MCPH1: variants seen among roughly 807,000 people sequenced by gnomAD.
MCPH1 encodes microcephalin 1.
In MCPH1, 104 loss-of-function variants were observed where a neutral mutation model predicts 84.5. The ratio of observed to expected loss-of-function variants is 1.23; its 90% confidence interval spans 1.05 to 1.45. The LOEUF (loss-of-function observed/expected upper bound fraction) is 1.45, where lower values mean the gene tolerates loss of function less well. Among genes scored for constraint, MCPH1 ranks in the 40% most tolerant of loss-of-function variants. MCPH1 has a pLI of 0.00. For synonymous variants in MCPH1, 514 were observed against 366.8 expected, an observed-to-expected ratio of 1.40 and a Z score of -4.58; for missense variants, 1,498 against 1,005.7, an observed-to-expected ratio of 1.49 and a Z score of -6.62.
chr8:6,483,730 C>T (rs554376457), intron 11 of MCPH1, among the ~76,000 whole-genome samples: 2 of 152,084 alleles, frequency 1.3e-5, no homozygotes, highest in East Asian at 3.9e-4. Flanking sequence ...CATGGTGGCA[C>T]CTGCCTGTAA....
At chr8:6,494,747 G>A (rs530850334) in intron 11 of MCPH1, among the ~76,000 whole-genome samples, 8 of 152,322 alleles carry the variant, frequency 5.3e-5, no homozygotes, top group African/African-American at 1.7e-4. Flanking sequence ...GGAGGGGAGA[G>A]AGGGATGGGG....
intron 11 of MCPH1, among the ~76,000 whole-genome samples, chr8:6,495,867 T>G (rs1436792585): frequency 3.3e-5 from 5 of 152,228 alleles, no homozygotes; most frequent in Admixed American, 1.3e-4. Flanking sequence ...TTCCTATGGC[T>G]TACGACTGTG....
chr8:6,505,137 G>A (rs1453539914), intron 12 of MCPH1, among the ~76,000 whole-genome samples: 3 of 75,042 alleles, frequency 4.0e-5, no homozygotes, highest in African/African-American at 8.7e-5. Context: ...AGCCTTACCC[G>A]TAATGCATTA....
chr8:6,489,350 C>T (rs1022784523), intron 11 of MCPH1, among the ~76,000 whole-genome samples: 3 of 151,796 alleles, frequency 2.0e-5, no homozygotes, highest in African/African-American at 7.3e-5. Flanking sequence ...GGCTAGCTAG[C>T]AACCTGGGGG....
chr8:6,445,817 C>G, intron 8 of MCPH1: 1 of 1,201,144 alleles, frequency 8.3e-7, no homozygotes, highest in Non-Finnish European at 1.0e-6. Context: ...GATAAGTAGT[C>G]CATAGTATGA....
At chr8:6,562,114 C>G (rs532926296) in intron 12 of MCPH1, among the ~76,000 whole-genome samples, 14 of 152,316 alleles carry the variant, frequency 9.2e-5, no homozygotes, top group African/African-American at 3.4e-4. Context: ...ATTTAATTTC[C>G]TCTCGTTTAC....
chr8:6,553,794 G>A (rs1012010469), intron 12 of MCPH1, among the ~76,000 whole-genome samples: 6 of 152,140 alleles, frequency 3.9e-5, no homozygotes, highest in South Asian at 4.2e-4. Flanking sequence ...GCAGAAAAGC[G>A]AATGTCAGAC....
At chr8:6,474,747 C>T (rs140501638) in intron 9 of MCPH1, among the ~76,000 whole-genome samples, 2 of 152,066 alleles carry the variant, frequency 1.3e-5, no homozygotes, top group African/African-American at 4.8e-5. Context: ...GCCTATAATC[C>T]TAGAAATTTT....
At chr8:6,491,116 A>G (rs1400591716) in intron 11 of MCPH1, among the ~76,000 whole-genome samples, 1 of 151,294 alleles carries the variant, frequency 6.6e-6, no homozygotes, top group Non-Finnish European at 1.5e-5. Flanking sequence ...TCAAAGTAGT[A>G]TGGCAAAAAG....
chr8:6,435,393 G>T (rs1343157398), intron 4 of MCPH1, among the ~76,000 whole-genome samples: 2 of 152,084 alleles, frequency 1.3e-5, no homozygotes, highest in African/African-American at 4.8e-5. Context: ...TCTCAAATCC[G>T]CCTCCCTGAG....
intron 13 of MCPH1, among the ~76,000 whole-genome samples, chr8:6,638,958 C>T (rs1259671089): frequency 6.6e-6 from 1 of 152,236 alleles, no homozygotes; most frequent in Non-Finnish European, 1.5e-5. Flanking sequence ...ATGCGCACCT[C>T]AACGCCACTG....
chr8:6,585,823 A>G lies in MCPH1; in HGVS notation c.2215-35631A>G, dbSNP rs79373344. 2.1e-4 allele frequency among the ~76,000 whole-genome samples: 32 copies of G among 152,296 alleles called. No individual in the cohort carries two copies. The East Asian group carries it at 3.7e-3, about 17-fold the overall frequency. On this transcript the variant is annotated intron_variant, in intron 12 of 13. Coordinates refer to ENST00000344683, the MANE Select transcript of MCPH1 (RefSeq NM_024596.5). ...CCATGACTGCAGGGCAGTTTTAAAC[A>G]CAGCAGCTTGGTTTCTATTGCACGG...
At chr8:6,606,312 A>G (rs1829767642) in intron 12 of MCPH1, among the ~76,000 whole-genome samples, 1 of 152,240 alleles carries the variant, frequency 6.6e-6, no homozygotes, top group Admixed American at 6.5e-5. Flanking sequence ...AGAAGAGAGT[A>G]AAAAGCTTTT....
rs747704032 is a variant in MCPH1 at position 6,414,852 on chromosome 8, G to A, written c.202G>A (p.Val68Ile). The A allele has an allele frequency of 1.2e-5, 19 of 1,613,558 alleles. No individual in the cohort carries two copies. Among genetic ancestry groups the A allele is most frequent in the South Asian group, 3.3e-5 (3 of 91,066 alleles). Reference sequence around the variant, plus strand: ...TTGGGACAAAGCTCAGAAGAGAGGCGTAAAGCTCGTTTCGGTGCTCTGGGT... The same window carrying A: ...TTGGGACAAAGCTCAGAAGAGAGGCATAAAGCTCGTTTCGGTGCTCTGGGT... ...STWDKAQKRG[V>I]KLVSVLWVEK... The change falls in exon 3 of 14, where the codon GTA (valine) becomes ATA (isoleucine). Residue 68 changes from valine (V) to isoleucine (I), a missense_variant. Val to Ile is a conservative substitution (Grantham distance 29). Transcript: ENST00000344683.
chr8:6,436,029 T>G lies in MCPH1; in HGVS notation c.322-19T>G. The stretch of plus-strand genomic sequence containing the variant: ...AGCAGTTGCAGTACAGCATTAATTT[T>G]TGTGTTCTTTTTGCACAGCGTAAAT... On this transcript the variant is annotated intron_variant, in intron 4 of 13. Transcript: ENST00000344683. 1.2e-6 allele frequency: 2 copies of G among 1,612,618 alleles called. No homozygotes were observed. Among genetic ancestry groups the G allele is most frequent in the Non-Finnish European group, 1.7e-6 (2 of 1,179,224 alleles).
intron 8 of MCPH1, chr8:6,445,868 A>G: frequency 1.9e-6 from 2 of 1,071,238 alleles, no homozygotes; most frequent in Non-Finnish European, 2.3e-6. Context: ...ATTCCATTGG[A>G]GTCTTGGCGC....
intron 13 of MCPH1, chr8:6,626,135 G>C (rs936953269): frequency 5.1e-6 from 5 of 985,356 alleles, no homozygotes; most frequent in South Asian, 4.7e-5. Context: ...TATTTTACTT[G>C]TAAGAATTTC....
At chr8:6,454,027 C>G (rs1315885893) in intron 8 of MCPH1, among the ~76,000 whole-genome samples, 1 of 152,192 alleles carries the variant, frequency 6.6e-6, no homozygotes, top group African/African-American at 2.4e-5. Flanking sequence ...GAGATAGGAC[C>G]CTGTTTTTGA....
rs200865129 is a variant in MCPH1, at chr8:6,480,799, C to T, written c.2059C>T (p.Leu687Phe). The T allele has an allele frequency of 1.2e-6, 2 of 1,614,216 alleles. No individual in the cohort carries two copies. Among genetic ancestry groups the T allele is most frequent in the South Asian group, 2.2e-5 (2 of 91,090 alleles). ...PDVCETTTHV[L>F]SGKPLRTLNV... ...CGTCTGTGAGACCACGACTCACGTGCTTTCCGGGAAGCCACTTCGCACCCT... is the reference window on the plus strand; with the variant it reads ...CGTCTGTGAGACCACGACTCACGTGTTTTCCGGGAAGCCACTTCGCACCCT... The change falls in exon 11 of 14, where the codon CTT becomes TTT. Residue 687 changes from leucine (L) to phenylalanine (F), a missense_variant. Coordinates refer to ENST00000344683, the MANE Select transcript of MCPH1 (RefSeq NM_024596.5).
Sources: allele counts gnomAD v4.1 joint callset (sites outside exome capture counted in the v4.1 genomes callset), GRCh38; gene constraint gnomAD v4.1.1; transcripts MANE v1.5; gene names NCBI Gene and HGNC (gene_info 2026-07-23, HGNC 2026-07-21).